The following DNAH7 variants were observed in gnomAD, a reference collection of about 807,000 sequenced individuals.
The protein encoded by DNAH7 is axonemal beta dynein heavy chain 7.
Under a neutral mutation model 444.6 loss-of-function variants are expected in DNAH7, and 397 were observed. That is an observed-to-expected ratio of 0.89 (90% CI 0.82 to 0.97). The LOEUF (loss-of-function observed/expected upper bound fraction) is 0.97, where lower values mean the gene tolerates loss of function less well. Ranked by LOEUF, DNAH7 falls within the 50% of genes least tolerant of loss-of-function variation. DNAH7 has a pLI of 0.00. For missense variants in DNAH7, 4,902 were observed against 4,800.8 expected (o/e 1.02, Z -0.62); for synonymous variants, 1,636 against 1,624.4 (o/e 1.01, Z -0.17).
At chr2:195,837,815 A>G (rs1698455554) in intron 47 of DNAH7, among the ~76,000 whole-genome samples, 1 of 152,174 alleles carries the variant, frequency 6.6e-6, no homozygotes, top group South Asian at 2.1e-4. Context: ...CCCCTGTTGT[A>G]CACAGAATGT....
intron 51 of DNAH7, among the ~76,000 whole-genome samples, chr2:195,812,301 C>T (rs1405932750): frequency 1.3e-5 from 2 of 152,126 alleles, no homozygotes; most frequent in Non-Finnish European, 2.9e-5. Flanking sequence ...GGCCTCACAT[C>T]AGTTAAACTC....
intron 8 of DNAH7, among the ~76,000 whole-genome samples, chr2:196,021,684 T>C (rs1475690829): frequency 6.6e-6 from 1 of 151,088 alleles, no homozygotes; most frequent in African/African-American, 2.4e-5. Context: ...TAGCTGGGCA[T>C]AGTGATACGC....
At position 195,835,408 on chromosome 2, in the gene DNAH7, GA is replaced by G. The variant is rs1698314500; in HGVS notation, c.8946-1049del. On this transcript the variant is annotated intron_variant, in intron 47 of 64. Coordinates refer to ENST00000312428, the MANE Select transcript of DNAH7 (RefSeq NM_018897.3). ...AAAAAAAAAAAAAAAAAATTGAAAAGAAAAAAAGGTAGGGGGATATAACAGG... is the reference window on the plus strand; with the variant it reads ...AAAAAAAAAAAAAAAAAATTGAAAAGAAAAAAGGTAGGGGGATATAACAGG... Among the ~76,000 whole-genome samples, 6 of 141,582 alleles carry G rather than the reference GA, an allele frequency of 4.2e-5. No individual in the cohort carries two copies. In the South Asian group the frequency reaches 1.1e-3, roughly 26 times the overall value. The allele number at this position is 141,582 out of a possible 152,430, so 92.9% of individuals were successfully genotyped here.
intron 21 of DNAH7, among the ~76,000 whole-genome samples, chr2:195,930,465 C>A (rs990254128): frequency 5.9e-5 from 9 of 152,018 alleles, no homozygotes; most frequent in Admixed American, 5.9e-4. Flanking sequence ...TAAATCAGTA[C>A]CAAAATGAGA....
At chr2:195,994,906 G>T in intron 12 of DNAH7, 1 of 360,530 alleles carries the variant, frequency 2.8e-6, no homozygotes, top group South Asian at 2.6e-5. Flanking sequence ...CTCATCCTCA[G>T]ACAGACTGTA....
chr2:195,953,256 C>G (rs536888689), intron 19 of DNAH7, among the ~76,000 whole-genome samples: 60 of 152,270 alleles, frequency 3.9e-4, no homozygotes, highest in African/African-American at 1.4e-3. Context: ...TGGGTATCAC[C>G]AGCAGAGGCT....
intron 12 of DNAH7, among the ~76,000 whole-genome samples, chr2:195,996,227 G>A (rs543926709): frequency 7.2e-5 from 11 of 152,280 alleles, no homozygotes; most frequent in African/African-American, 2.6e-4. Flanking sequence ...CTTTGATTCT[G>A]TGAACAGCAA....
rs755078356 is a variant in DNAH7 at position 195,972,452 on chromosome 2, T to G, written c.1848A>C (p.Lys616Asn). Residue 616 changes from lysine to asparagine, a missense_variant, in exon 16 of 65, where the codon AAA (lysine) becomes AAC (asparagine). Coordinates refer to ENST00000312428, the MANE Select transcript of DNAH7 (RefSeq NM_018897.3). ...GTTCAATCATATCAGTTACCTCCAC[T>G]TTCTGAATGTAAGCCTGAGGGAAAA... Reference protein sequence around the residue: ...ELMEMKAYIQKVEVTDMIELE... With the variant: ...ELMEMKAYIQNVEVTDMIELE... The G allele has an allele frequency of 6.2e-7, 1 of 1,613,968 alleles. No individual in the cohort carries two copies. Among genetic ancestry groups the G allele is most frequent in the South Asian group, 1.1e-5 (1 of 91,050 alleles).
intron 8 of DNAH7, among the ~76,000 whole-genome samples, chr2:196,020,674 G>C (rs142640825): frequency 0.025 from 3,766 of 149,304 alleles, 147 homozygotes; most frequent in African/African-American, 0.087. Flanking sequence ...GCAGTGGCAC[G>C]ATCTCAGCTC....
intron 24 of DNAH7, among the ~76,000 whole-genome samples, chr2:195,916,798 C>T (rs1050729464): frequency 2.6e-5 from 4 of 151,832 alleles, no homozygotes; most frequent in Non-Finnish European, 5.9e-5. Flanking sequence ...ACGGAGTTTG[C>T]AGTGAGTCAA....
rs554043320 is a variant in DNAH7 at position 195,884,435 on chromosome 2, G to A, written c.5763+150C>T. 6.6e-5 allele frequency: 41 copies of A among 625,344 alleles called. No homozygotes were observed. The African/African-American group carries it at 7.4e-4, about 11-fold the overall frequency. 38.7% of individuals were successfully genotyped at this position (625,344 alleles called of 1,614,324 possible). On this transcript the variant is annotated intron_variant, in intron 35 of 64. Coordinates refer to ENST00000312428, the MANE Select transcript of DNAH7 (RefSeq NM_018897.3). ...CTAGGACTCAAACCTAGAGGTGTCTGACTTCAAGCCAGTGCATCTTCCTCT... is the reference window on the plus strand; with the variant it reads ...CTAGGACTCAAACCTAGAGGTGTCTAACTTCAAGCCAGTGCATCTTCCTCT...
At chr2:195,830,306 C>A (rs548212455) in intron 48 of DNAH7, among the ~76,000 whole-genome samples, 2 of 152,288 alleles carry the variant, frequency 1.3e-5, no homozygotes, top group East Asian at 3.9e-4. Context: ...TCAAAACAAA[C>A]AGTTATCCTT....
At chr2:196,012,609 G>A (rs1175182042) in intron 10 of DNAH7, among the ~76,000 whole-genome samples, 178 bp downstream of exon 10, 2 of 152,044 alleles carry the variant, frequency 1.3e-5, no homozygotes, top group Non-Finnish European at 2.9e-5. Context: ...CACAATCTAC[G>A]CTGTGTAGAA....
intron 49 of DNAH7, among the ~76,000 whole-genome samples, chr2:195,820,476 AAG>A (rs1252440675): frequency 6.6e-6 from 1 of 152,058 alleles, no homozygotes; most frequent in Non-Finnish European, 1.5e-5. Flanking sequence ...AAAAAAAAAA[AAG>A]AAATACTTGT....
At chr2:196,020,528 G>A (rs1393139942) in intron 8 of DNAH7, among the ~76,000 whole-genome samples, 6 of 151,726 alleles carry the variant, frequency 4.0e-5, no homozygotes, top group African/African-American at 9.7e-5. Context: ...CAGGAGAAAA[G>A]TTGTTCTCCC....
chr2:195,848,868 G>A (rs955455527), intron 46 of DNAH7, among the ~76,000 whole-genome samples: 1 of 152,158 alleles, frequency 6.6e-6, no homozygotes, highest in African/African-American at 2.4e-5. Flanking sequence ...TGGTTGGGGT[G>A]AGGGCTTAGC....
In DNAH7 at chr2:195,787,075, C is replaced by G. The variant is rs1362698400; in HGVS notation, c.10813G>C (p.Glu3605Gln). ...ATTCTCAGATCTGTCTCATTGAACT[C>G]ATAAGGAATATTCCACCCTAGGGGT... ...FGPLGWNIPYEFNETDLRISV... is the reference protein window; with the variant it reads ...FGPLGWNIPYQFNETDLRISV... Residue 3605 changes from glutamate (E) to glutamine (Q), a missense_variant, in exon 58 of 65, where the codon GAG becomes CAG. Coordinates refer to ENST00000312428, the MANE Select transcript of DNAH7 (RefSeq NM_018897.3). The G allele has an allele frequency of 6.2e-7, 1 of 1,612,614 alleles. No individual in the cohort carries two copies. Among genetic ancestry groups the G allele is most frequent in the Non-Finnish European group, 8.5e-7 (1 of 1,179,578 alleles).
At chr2:195,994,207 A>T (rs1693543663) in intron 12 of DNAH7, 2 of 253,286 alleles carry the variant, frequency 7.9e-6, no homozygotes, top group East Asian at 2.1e-4. Flanking sequence ...CCCATGATAA[A>T]AAATTATTGA....
In DNAH7 at chr2:195,860,649, G is replaced by A. The variant is rs893731818; in HGVS notation, c.7736+1068C>T. On this transcript the variant is annotated intron_variant, in intron 42 of 64. Coordinates refer to ENST00000312428, the MANE Select transcript of DNAH7 (RefSeq NM_018897.3). ...AGCATGCTGCCCAATATGAGAAAAGGTCCTTCAAAATGCTTGAGATAGTGG... is the reference window on the plus strand; with the variant it reads ...AGCATGCTGCCCAATATGAGAAAAGATCCTTCAAAATGCTTGAGATAGTGG... Among the ~76,000 whole-genome samples, 4 of 151,886 alleles carry A rather than the reference G, an allele frequency of 2.6e-5. No individual in the cohort carries two copies. The South Asian group carries it at 6.2e-4, about 24-fold the overall frequency.
Sources: allele counts gnomAD v4.1 joint callset (sites outside exome capture counted in the v4.1 genomes callset), GRCh38; gene constraint gnomAD v4.1.1; transcripts MANE v1.5; gene names NCBI Gene and HGNC (gene_info 2026-07-23, HGNC 2026-07-21).